IL1RL1: variants seen among roughly 807,000 people sequenced by gnomAD.
IL1RL1 encodes the protein interleukin-1 receptor-like 1.
In IL1RL1, 32 loss-of-function variants were observed where a neutral mutation model predicts 50.9. The observed-to-expected ratio is 0.63, with a 90% CI of 0.47 to 0.84. The LOEUF is 0.84. Among genes scored for constraint, IL1RL1 ranks in the 40% least tolerant of loss-of-function variants. The pLI is 0.00. For synonymous variants in IL1RL1, 275 were observed against 236.0 expected, an observed-to-expected ratio of 1.17 and a Z score of -1.51; for missense variants, 773 against 662.9, an observed-to-expected ratio of 1.17 and a Z score of -1.82.
intron 1 of IL1RL1, among the ~76,000 whole-genome samples, chr2:102,326,510 C>G (rs1677003678): frequency 6.6e-6 from 1 of 151,988 alleles, no homozygotes; most frequent in Non-Finnish European, 1.5e-5. Flanking sequence ...CAATATTAAC[C>G]TTAAATGTAA....
downstream of IL1RL1, chr2:102,352,127 C>T: frequency 2.0e-6 from 1 of 512,796 alleles, no homozygotes; most frequent in South Asian, 3.3e-5. Context: ...CTCCACCATC[C>T]TCCAGCCACC....
At chr2:102,331,521 T>G (rs1677178087) in intron 1 of IL1RL1, among the ~76,000 whole-genome samples, 1 of 152,212 alleles carries the variant, frequency 6.6e-6, no homozygotes, top group Admixed American at 6.5e-5. Flanking sequence ...TTTTCCTGAG[T>G]GTCTGCAGTC....
chr2:102,314,003 G>C (rs115756839), intron 1 of IL1RL1, among the ~76,000 whole-genome samples: 2,109 of 152,290 alleles, frequency 0.014, 52 homozygotes, highest in African/African-American at 0.049. Flanking sequence ...TTCTGAATAG[G>C]GGCTGAGGCC....
At chr2:102,331,455 A>T (rs764536103) in intron 1 of IL1RL1, among the ~76,000 whole-genome samples, 6 of 152,234 alleles carry the variant, frequency 3.9e-5, no homozygotes, top group Non-Finnish European at 8.8e-5. Flanking sequence ...GTCATTTCAC[A>T]TGTGCAAACT....
Position 102,340,131 on chromosome 2 carries a change from C to G in IL1RL1, c.306C>G (p.Val102=), listed in dbSNP as rs148229923. The G allele has an allele frequency of 2.4e-4, 373 of 1,579,212 alleles. No homozygotes were observed. Among genetic ancestry groups the G allele is most frequent in the Non-Finnish European group, 3.1e-4 (362 of 1,161,552 alleles). ...TCAATAGGACTGGATATGCGAATGT[C>G]ACCATATATAAAAAACAATCAGATT... The part of the protein sequence containing the change: ...PTFNRTGYAN[V]TIYKKQSDCN... The change falls in exon 4 of 11, where the codon GTC becomes GTG. Residue 102 remains valine (V), a synonymous_variant. Transcript: ENST00000233954.
At chr2:102,336,926 T>A (rs969615380) in intron 1 of IL1RL1, among the ~76,000 whole-genome samples, 3 of 151,804 alleles carry the variant, frequency 2.0e-5, no homozygotes, top group African/African-American at 7.3e-5. Flanking sequence ...AAATGAGGAG[T>A]CAAGGAATAT....
chr2:102,320,010 T>A (rs978390343), intron 1 of IL1RL1, among the ~76,000 whole-genome samples: 2 of 152,218 alleles, frequency 1.3e-5, no homozygotes, highest in African/African-American at 4.8e-5. Flanking sequence ...TTTGTTATTT[T>A]AAAAACTTTT....
chr2:102,347,680 T>G (rs981088520), intron 8 of IL1RL1, among the ~76,000 whole-genome samples: 1 of 152,168 alleles, frequency 6.6e-6, no homozygotes, highest in Non-Finnish European at 1.5e-5. Flanking sequence ...CCAGCAAAAA[T>G]CATGCTTTTG....
chr2:102,342,463 G>T (rs570436237), intron 6 of IL1RL1, among the ~76,000 whole-genome samples, 169 bp downstream of exon 6: 5 of 152,250 alleles, frequency 3.3e-5, no homozygotes, highest in African/African-American at 1.2e-4. Flanking sequence ...CTAATATTGG[G>T]AACAGGGACA....
intron 1 of IL1RL1, among the ~76,000 whole-genome samples, chr2:102,322,449 T>G (rs957911591): frequency 1.3e-5 from 2 of 152,208 alleles, no homozygotes; most frequent in Non-Finnish European, 2.9e-5. Context: ...CTATGAATAA[T>G]TTTTGAAAAG....
At chr2:102,315,369 T>C (rs1676647941) in intron 1 of IL1RL1, among the ~76,000 whole-genome samples, 1 of 152,178 alleles carries the variant, frequency 6.6e-6, no homozygotes, top group Admixed American at 6.5e-5. Flanking sequence ...TCATGTACCT[T>C]TTGCTGCAAT....
At chr2:102,312,001 ATT>A (rs1459459716) in intron 1 of IL1RL1, among the ~76,000 whole-genome samples, 8 of 23,950 alleles carry the variant, frequency 3.3e-4, no homozygotes, top group Admixed American at 1.1e-3. Flanking sequence ...TATATAATAT[ATT>A]TATATATATT....
chr2:102,324,393 GA>G (rs1676928657), intron 1 of IL1RL1, among the ~76,000 whole-genome samples: 1 of 152,160 alleles, frequency 6.6e-6, no homozygotes, highest in Admixed American at 6.5e-5. Context: ...GGCCAAATAG[GA>G]ACAGCTACAG....
intron 1 of IL1RL1, among the ~76,000 whole-genome samples, chr2:102,314,665 G>C (rs1164737870): frequency 6.6e-6 from 1 of 152,208 alleles, no homozygotes; most frequent in African/African-American, 2.4e-5. Context: ...TGTCATAGGT[G>C]AGTGACAACT....
intron 1 of IL1RL1, among the ~76,000 whole-genome samples, chr2:102,319,678 T>C (rs1013591936): frequency 6.6e-6 from 1 of 152,176 alleles, no homozygotes; most frequent in African/African-American, 2.4e-5. Context: ...GTATCTTTTG[T>C]ATCTCTCGCC....
At chr2:102,327,211 C>A (rs4627592) in intron 1 of IL1RL1, among the ~76,000 whole-genome samples, 1 of 151,962 alleles carries the variant, frequency 6.6e-6, no homozygotes, top group Non-Finnish European at 1.5e-5. Context: ...TACTCAAAAC[C>A]GCTCAACTAC....
At chr2:102,318,660 G>A (rs1233527538) in intron 1 of IL1RL1, among the ~76,000 whole-genome samples, 2 of 152,178 alleles carry the variant, frequency 1.3e-5, no homozygotes, top group Non-Finnish European at 2.9e-5. Flanking sequence ...TGGGGAGTGA[G>A]TGTGGACAGA....
chr2:102,333,216 C>T (rs1446465687), intron 1 of IL1RL1, among the ~76,000 whole-genome samples: 1 of 152,062 alleles, frequency 6.6e-6, no homozygotes, highest in Non-Finnish European at 1.5e-5. Context: ...CAAGTGGAAG[C>T]AGGGATAGCA....
intron 5 of IL1RL1, 97 bp from the exon 6 acceptor site, chr2:102,342,126 C>T (rs183626924): frequency 1.4e-6 from 1 of 710,696 alleles, no homozygotes; most frequent in Admixed American, 2.4e-5. Flanking sequence ...ACTTGAAAAA[C>T]ATTGCTATGA....
Sources: allele counts gnomAD v4.1 joint callset (sites outside exome capture counted in the v4.1 genomes callset), GRCh38; gene constraint gnomAD v4.1.1; transcripts MANE v1.5; gene names NCBI Gene and HGNC (gene_info 2026-07-23, HGNC 2026-07-21).